SGCG: variants seen among roughly 807,000 people sequenced by gnomAD.
SGCG encodes the protein gamma-sarcoglycan.
In SGCG, 26 loss-of-function variants were observed where a neutral mutation model predicts 29.3. The observed-to-expected ratio is 0.89, with a 90% CI of 0.65 to 1.23. The LOEUF (loss-of-function observed/expected upper bound fraction) is 1.23. Among genes scored for constraint, SGCG ranks in the 50% most tolerant of loss-of-function variants. The pLI, the probability that SGCG is intolerant of heterozygous loss-of-function variation, is 0.00. For synonymous variants in SGCG, 145 were observed against 129.7 expected (o/e 1.12, Z -0.80); for missense variants, 353 against 356.0 (o/e 0.99, Z 0.07).
chr13:23,178,100 G>A (rs1429375589), upstream of SGCG, among the ~76,000 whole-genome samples: 6 of 152,274 alleles, frequency 3.9e-5, no homozygotes, highest in African/African-American at 1.4e-4. Context: ...AGGGCTTTAG[G>A]CCAAGGAGTG....
rs74387559 is a variant in SGCG at position 23,212,392 on chromosome 13, A to ATTTTTGTTAATATACCTTTTT, written c.195+8507_195+8508insTGTTAATATACCTTTTTTTTT. On this transcript the variant is annotated intron_variant, in intron 2 of 7. Transcript: ENST00000218867. The stretch of plus-strand genomic sequence containing the variant: ...ATTTTTCCCAGCATAGCACACCACA[A>ATTTTTGTTAATATACCTTTTT]TTTTCTGGTTGTTAAATGTCTGCTA... 3.3e-3 allele frequency among the ~76,000 whole-genome samples: 504 copies of ATTTTTGTTAATATACCTTTTT among 151,750 alleles called. 2 individuals are homozygous for ATTTTTGTTAATATACCTTTTT. Among genetic ancestry groups the ATTTTTGTTAATATACCTTTTT allele is most frequent in the African/African-American group, 0.011 (475 of 41,330 alleles).
chr13:23,324,005 G>A (rs577836609), intron 7 of SGCG, among the ~76,000 whole-genome samples: 4 of 152,134 alleles, frequency 2.6e-5, no homozygotes, highest in Admixed American at 6.5e-5. Context: ...TCTGAAAGGC[G>A]TTTTGAGAAG....
At chr13:23,292,127 T>TTTTTTTTTTTTTTTTTTA (rs1881734729) in intron 5 of SGCG, among the ~76,000 whole-genome samples, 2 of 151,990 alleles carry the variant, frequency 1.3e-5, no homozygotes, top group South Asian at 2.1e-4. Flanking sequence ...TTCTTTTTTT[T>TTTTTTTTTTTTTTTTTTA]GAGATAGAGT....
At chr13:23,226,516 T>C (rs9317582) in intron 2 of SGCG, among the ~76,000 whole-genome samples, 102,114 of 152,068 alleles carry the variant, frequency 0.67, 34,684 homozygotes, top group East Asian at 0.91. Context: ...GATATTAAGA[T>C]GTCAATTCTT....
At chr13:23,228,904 C>A (rs1879002376) in intron 2 of SGCG, among the ~76,000 whole-genome samples, 1 of 152,054 alleles carries the variant, frequency 6.6e-6, no homozygotes, top group South Asian at 2.1e-4. Flanking sequence ...AGGGTCCTGC[C>A]CTGTCACCCA....
chr13:23,222,652 C>T (rs755189867), intron 2 of SGCG, among the ~76,000 whole-genome samples: 1 of 151,768 alleles, frequency 6.6e-6, no homozygotes, highest in Non-Finnish European at 1.5e-5. Context: ...ATGGTGAAAC[C>T]CTGTCTCTAC....
At chr13:23,252,645 C>T (rs956160124) in intron 4 of SGCG, among the ~76,000 whole-genome samples, 2 of 152,000 alleles carry the variant, frequency 1.3e-5, no homozygotes, top group East Asian at 3.9e-4. Context: ...GAGCCAAGAT[C>T]GCATCACTGC....
intron 2 of SGCG, 49 bp downstream of exon 2, chr13:23,203,938 A>G (rs770395379): frequency 2.3e-6 from 3 of 1,286,056 alleles, no homozygotes; most frequent in Non-Finnish European, 3.4e-6. Context: ...TGTTCACTGT[A>G]TCACTTAGTC....
At chr13:23,287,156 G>A (rs1329543202) in intron 5 of SGCG, among the ~76,000 whole-genome samples, 3 of 152,160 alleles carry the variant, frequency 2.0e-5, no homozygotes, top group Non-Finnish European at 2.9e-5. Context: ...TCACTTATAT[G>A]GTAAGAGGAA....
intron 2 of SGCG, among the ~76,000 whole-genome samples, chr13:23,225,803 A>ACACACACACACC (rs1362597137): frequency 1.3e-5 from 2 of 151,772 alleles, no homozygotes; most frequent in East Asian, 3.9e-4. Flanking sequence ...ACACACACAC[A>ACACACACACACC]CACACCCCTA....
At chr13:23,222,082 T>TC (rs1249035928) in intron 2 of SGCG, among the ~76,000 whole-genome samples, 56 of 152,364 alleles carry the variant, frequency 3.7e-4, no homozygotes, top group African/African-American at 1.3e-3. Context: ...TGCCTCCTTG[T>TC]AGTTTTGGCC....
At chr13:23,262,919 A>G (rs1451434732) in intron 4 of SGCG, among the ~76,000 whole-genome samples, 1 of 152,094 alleles carries the variant, frequency 6.6e-6, no homozygotes. Context: ...GGGGTTAACA[A>G]TGACATTAAA....
At chr13:23,319,517 TAA>T (rs1019703163) in intron 6 of SGCG, among the ~76,000 whole-genome samples, 17 of 152,050 alleles carry the variant, frequency 1.1e-4, no homozygotes, top group African/African-American at 4.1e-4. Flanking sequence ...AGTCATAGAT[TAA>T]AAAAAACTTG....
intron 1 of SGCG, among the ~76,000 whole-genome samples, chr13:23,203,200 C>T (rs1877836391): frequency 6.6e-6 from 1 of 152,144 alleles, no homozygotes; most frequent in Admixed American, 6.5e-5. Context: ...ACCTCGTGAT[C>T]CGCCCACCTC....
At chr13:23,213,952 C>T (rs1878330932) in intron 2 of SGCG, among the ~76,000 whole-genome samples, 1 of 152,190 alleles carries the variant, frequency 6.6e-6, no homozygotes, top group Admixed American at 6.5e-5. Context: ...AGGAAGGCCT[C>T]TAACAAACTT....
At position 23,196,099 on chromosome 13, in the gene SGCG, G is replaced by T. The variant is rs544093390; in HGVS notation, c.1-7596G>T. On this transcript the variant is annotated intron_variant, in intron 1 of 7. Transcript: ENST00000218867. ...GTTTTCATTTAACATTATATCACTA[G>T]AATTTCCCTAGGTTGTTATATGTTT... 7.2e-5 allele frequency among the ~76,000 whole-genome samples: 11 copies of T among 151,830 alleles called. 1 individual carries two copies. The East Asian group carries it at 1.5e-3, about 21-fold the overall frequency.
At chr13:23,218,882 G>T (rs1480074299) in intron 2 of SGCG, among the ~76,000 whole-genome samples, 4 of 148,850 alleles carry the variant, frequency 2.7e-5, no homozygotes, top group African/African-American at 9.8e-5. Context: ...ATTCTATGGT[G>T]GGAAAATTAT....
chr13:23,299,456 A>ATATTTTTTTTTT (rs1882059808), intron 6 of SGCG, among the ~76,000 whole-genome samples: 1 of 41,542 alleles, frequency 2.4e-5, no homozygotes, highest in Non-Finnish European at 4.8e-5. Context: ...ATATATATAT[A>ATATTTTTTTTTT]TTTTTTTTTT....
intron 5 of SGCG, among the ~76,000 whole-genome samples, chr13:23,282,117 C>A (rs751908732): frequency 9.2e-5 from 14 of 152,190 alleles, no homozygotes; most frequent in Non-Finnish European, 1.6e-4. Flanking sequence ...TTGCCAGAGA[C>A]ACCATGAACT....
Sources: allele counts gnomAD v4.1 joint callset (sites outside exome capture counted in the v4.1 genomes callset), GRCh38; gene constraint gnomAD v4.1.1; transcripts MANE v1.5; gene names NCBI Gene and HGNC (gene_info 2026-07-23, HGNC 2026-07-21).